Variants in LHFPL3 observed in about 807,000 individuals in gnomAD.
LHFPL3 encodes LHFPL tetraspan subfamily member 3.
Under a neutral mutation model 19.3 loss-of-function variants are expected in LHFPL3, and 5 were observed. The ratio of observed to expected loss-of-function variants is 0.26; its 90% CI spans 0.14 to 0.54. The LOEUF (loss-of-function observed/expected upper bound fraction) is 0.54. Ranked by LOEUF, LHFPL3 falls within the 20% of genes least tolerant of loss-of-function variation. The probability of loss-of-function intolerance (pLI) is 0.94; values close to 1 mark genes in which losing one functional copy is unlikely to be tolerated. For synonymous variants in LHFPL3, 133 were observed against 126.2 expected, an observed-to-expected ratio of 1.05 and a Z score of -0.36; for missense variants, 249 against 307.4, an observed-to-expected ratio of 0.81 and a Z score of 1.42.
chr7:104,635,902 C>G (rs1791721142), intron 1 of LHFPL3, among the ~76,000 whole-genome samples: 1 of 152,148 alleles, frequency 6.6e-6, no homozygotes, highest in Non-Finnish European at 1.5e-5. Flanking sequence ...AATTAAATGA[C>G]AGATTTGACC....
intron 1 of LHFPL3, among the ~76,000 whole-genome samples, chr7:104,542,038 C>A (rs1179599725): frequency 2.0e-5 from 3 of 151,944 alleles, no homozygotes; most frequent in African/African-American, 7.3e-5. Flanking sequence ...AAGTGGGCAT[C>A]TCAGTGCAGT....
Position 104,603,553 on chromosome 7 carries a change from T to A in LHFPL3, c.446-133122T>A, listed in dbSNP as rs1041774665. Among the ~76,000 whole-genome samples, 6 of 152,286 alleles carry A rather than the reference T, an allele frequency of 3.9e-5. No homozygotes were observed. In the South Asian group the frequency reaches 1.2e-3, roughly 32 times the overall value. Reference sequence around the variant, plus strand: ...CAACTCAAAAGCTCAAAGTCCAAAGTCTCATCTAAATCAGATATGGGTGAA... The same window carrying A: ...CAACTCAAAAGCTCAAAGTCCAAAGACTCATCTAAATCAGATATGGGTGAA... On this transcript the variant is annotated intron_variant, in intron 1 of 2. Coordinates refer to ENST00000424859, the MANE Select transcript of LHFPL3 (RefSeq NM_199000.3).
At chr7:104,414,614 T>C (rs1791587863) in intron 1 of LHFPL3, among the ~76,000 whole-genome samples, 2 of 152,216 alleles carry the variant, frequency 1.3e-5, no homozygotes, top group African/African-American at 4.8e-5. Context: ...AAATGCAGAG[T>C]TGCTGTTGAG....
intron 2 of LHFPL3, among the ~76,000 whole-genome samples, chr7:104,782,016 C>G (rs1303690198): frequency 6.6e-6 from 1 of 152,214 alleles, no homozygotes; most frequent in East Asian, 1.9e-4. Context: ...AGCAACCGTT[C>G]TATCACGCTT....
At chr7:104,378,254 C>T (rs1187091834) in intron 1 of LHFPL3, among the ~76,000 whole-genome samples, 1 of 152,174 alleles carries the variant, frequency 6.6e-6, no homozygotes, top group Non-Finnish European at 1.5e-5. Flanking sequence ...TGACCTCAGG[C>T]GACTTCTGTC....
intron 1 of LHFPL3, among the ~76,000 whole-genome samples, chr7:104,701,930 G>A (rs1298503115): frequency 6.6e-6 from 1 of 151,978 alleles, no homozygotes; most frequent in African/African-American, 2.4e-5. Context: ...GGTTACATAG[G>A]TATACATGTG....
intron 1 of LHFPL3, 92 bp downstream of exon 1, chr7:104,329,316 C>A: frequency 1.4e-6 from 2 of 1,452,890 alleles, no homozygotes; most frequent in Middle Eastern, 2.3e-4. Context: ...GCTGTGCGCG[C>A]CGCTGCGAGC....
At chr7:104,332,278 G>A (rs1455816530) in intron 1 of LHFPL3, among the ~76,000 whole-genome samples, 2 of 130,326 alleles carry the variant, frequency 1.5e-5, no homozygotes, top group Non-Finnish European at 3.1e-5. Context: ...CACCCAGGCT[G>A]GAGTGCAGTG....
intron 2 of LHFPL3, among the ~76,000 whole-genome samples, chr7:104,811,659 C>T (rs1438413953): frequency 2.0e-5 from 3 of 152,112 alleles, no homozygotes; most frequent in Non-Finnish European, 2.9e-5. Flanking sequence ...ATGTTGTTGC[C>T]GTGGTTGTGA....
At chr7:104,354,068 ATC>A (rs1484118227) in intron 1 of LHFPL3, among the ~76,000 whole-genome samples, 2 of 152,170 alleles carry the variant, frequency 1.3e-5, no homozygotes, top group Admixed American at 1.3e-4. Flanking sequence ...GTAAAAAAAA[ATC>A]TCTCTTGTGT....
chr7:104,852,458 G>A (rs539042935), intron 2 of LHFPL3, among the ~76,000 whole-genome samples: 1 of 152,364 alleles, frequency 6.6e-6, no homozygotes, highest in South Asian at 2.1e-4. Context: ...TTTGTCCAGA[G>A]AGCAAAGCCA....
intron 2 of LHFPL3, among the ~76,000 whole-genome samples, chr7:104,798,175 A>G (rs1054822378): frequency 2.0e-5 from 3 of 152,208 alleles, no homozygotes; most frequent in African/African-American, 7.2e-5. Flanking sequence ...CACCACTTAC[A>G]TATCTTCTCC....
chr7:104,711,591 GAA>G (rs1793300580), intron 1 of LHFPL3, among the ~76,000 whole-genome samples: 1 of 152,094 alleles, frequency 6.6e-6, no homozygotes, highest in East Asian at 1.9e-4. Context: ...CATTCTCTTG[GAA>G]CATAAATCAA....
chr7:104,845,856 C>G (rs1330414123), intron 2 of LHFPL3, among the ~76,000 whole-genome samples: 2 of 152,214 alleles, frequency 1.3e-5, no homozygotes, highest in Non-Finnish European at 2.9e-5. Flanking sequence ...CTGGGGCCAC[C>G]ACCCTTTGGT....
chr7:104,719,310 T>C (rs1793445130), intron 1 of LHFPL3, among the ~76,000 whole-genome samples: 1 of 152,152 alleles, frequency 6.6e-6, no homozygotes. Flanking sequence ...GAAAGGAATA[T>C]ATACCTTTTA....
At chr7:104,370,189 C>T (rs1242246084) in intron 1 of LHFPL3, among the ~76,000 whole-genome samples, 2 of 152,068 alleles carry the variant, frequency 1.3e-5, no homozygotes, top group Admixed American at 1.3e-4. Flanking sequence ...AAAACTTGGT[C>T]CCCTGAGGAG....
chr7:104,758,916 C>T (rs1794330256), intron 2 of LHFPL3, among the ~76,000 whole-genome samples: 2 of 152,172 alleles, frequency 1.3e-5, no homozygotes. Context: ...TAGAGCAGGT[C>T]TGTGTTGTCT....
At chr7:104,868,028 AC>A (rs1332750916) in intron 2 of LHFPL3, among the ~76,000 whole-genome samples, 511 of 139,016 alleles carry the variant, frequency 3.7e-3, no homozygotes, top group Middle Eastern at 6.9e-3. Context: ...AAATTCAACA[AC>A]CCTTCATGCT....
intron 1 of LHFPL3, among the ~76,000 whole-genome samples, chr7:104,385,520 A>T (rs1790922257): frequency 6.6e-6 from 1 of 152,198 alleles, no homozygotes; most frequent in African/African-American, 2.4e-5. Flanking sequence ...AAAATCACCA[A>T]GATAATGATT....
Sources: allele counts gnomAD v4.1 joint callset (sites outside exome capture counted in the v4.1 genomes callset), GRCh38; gene constraint gnomAD v4.1.1; transcripts MANE v1.5; gene names NCBI Gene and HGNC (gene_info 2026-07-23, HGNC 2026-07-21).